MYBBP1A: variants seen among roughly 807,000 people sequenced by gnomAD.
MYBBP1A encodes the protein MYB binding protein 1a.
Under a neutral mutation model 136.3 loss-of-function variants are expected in MYBBP1A, and 147 were observed. The ratio of observed to expected loss-of-function variants is 1.08; its 90% confidence interval spans 0.94 to 1.24. The LOEUF (loss-of-function observed/expected upper bound fraction) is 1.24. MYBBP1A is among the 50% of genes most tolerant of loss of function. The pLI, the probability that MYBBP1A is intolerant of heterozygous loss-of-function variation, is 0.00. For missense variants in MYBBP1A, 2,060 were observed against 1,727.4 expected, an observed-to-expected ratio of 1.19 and a Z score of -3.41; for synonymous variants, 947 against 735.8, an observed-to-expected ratio of 1.29 and a Z score of -4.65.
chr17:4,541,756 T>C (rs780414460), intron 23 of MYBBP1A, 28 bp downstream of exon 23: 7 of 1,582,770 alleles, frequency 4.4e-6, no homozygotes, highest in Non-Finnish European at 1.7e-6. Context: ...TCTGAGGGGG[T>C]GGGGAAAGGG....
rs1287745075 is a variant in MYBBP1A, at chr17:4,545,670, C to G, written c.2013G>C (p.Arg671=). The part of the protein sequence containing the change: ...QPSHLMRQVA[R]SVFGHICSHL... ...GGGAGCAGATGTGGCCAAACACGCT[C>G]CGGGCCACCTGGCGCATGAGGTGGC... is the stretch of plus-strand genomic sequence containing the variant. Residue 671 remains arginine (R), a synonymous_variant, in exon 15 of 26, where the codon CGG becomes CGC. Transcript: ENST00000254718. 2 of 1,611,398 alleles carry G rather than the reference C, an allele frequency of 1.2e-6. No individual in the cohort carries two copies. Among genetic ancestry groups the G allele is most frequent in the African/African-American group, 1.3e-5 (1 of 74,904 alleles).
rs756178695 is a variant in MYBBP1A, at chr17:4,540,364, T to C, written c.3418A>G (p.Lys1140Glu). 6.2e-7 allele frequency: 1 copy of C among 1,608,210 alleles called. No homozygotes were observed. The highest frequency in any genetic ancestry group is 8.5e-7 in the Non-Finnish European group (1 of 1,179,584). The part of the protein sequence containing the change: ...RLHDLYWQAM[K>E]TLGVQRPKLE... ...AGAACCTACTGGACTCCCAGGGTTT[T>C]CATGGCCTGCCAGTAGAGGTCGTGC... The change falls in exon 25 of 26, where the codon AAA becomes GAA. Residue 1140 changes from lysine to glutamate, a missense_variant. By Grantham distance (56) the Lys-to-Glu change is moderately conservative (BLOSUM62 1). Transcript: ENST00000254718.
chr17:4,540,713 A>G (rs1906335032), intron 24 of MYBBP1A, among the ~76,000 whole-genome samples: 1 of 151,610 alleles, frequency 6.6e-6, no homozygotes, highest in Non-Finnish European at 1.5e-5. Context: ...GCCTGGTCTC[A>G]GAGTCTCGGT....
In MYBBP1A at chr17:4,539,101, T is replaced by TCA. The variant is rs557006044; in HGVS notation, c.*312_*313dup. 179 of 1,519,048 alleles carry TCA rather than the reference T, an allele frequency of 1.2e-4. No homozygotes were observed. The African/African-American group carries it at 2.4e-3, about 20-fold the overall frequency. The allele number at this position is 1,519,048 out of a possible 1,614,324, so 94.1% of individuals were successfully genotyped here. ...AAGAGGTGGCAGGCACGAGAGATGG[T>TCA]CACACCTGCCTGCAGCCAGCACATC... On this transcript the variant is annotated 3_prime_UTR_variant, in exon 26 of 26. Transcript: ENST00000254718.
At chr17:4,551,535 C>A (rs1018628913) in intron 8 of MYBBP1A, among the ~76,000 whole-genome samples, 3 of 152,222 alleles carry the variant, frequency 2.0e-5, no homozygotes, top group Non-Finnish European at 2.9e-5. Context: ...ATGGCAAAAT[C>A]CCGTCTCTAC....
intron 22 of MYBBP1A, 85 bp from the exon 23 acceptor site, chr17:4,541,976 C>T (rs1906479738): frequency 1.0e-6 from 1 of 992,922 alleles, no homozygotes; most frequent in African/African-American, 1.6e-5. Flanking sequence ...CGGGGGCCCG[C>T]TGGGCACTGC....
Position 4,543,052 on chromosome 17 carries a change from G to A in MYBBP1A, c.2753C>T (p.Pro918Leu), listed in dbSNP as rs771370036. 1.9e-6 allele frequency: 3 copies of A among 1,613,390 alleles called. No individual in the cohort carries two copies. The highest frequency in any genetic ancestry group is 2.7e-5 in the African/African-American group (2 of 74,934). ...GGCGTTGAAGTGGTAGAGGGCGGTGGGGGAGTCGGGCTGGCGGCCAGCCTG... is the reference window on the plus strand; with the variant it reads ...GGCGTTGAAGTGGTAGAGGGCGGTGAGGGAGTCGGGCTGGCGGCCAGCCTG... Reference protein sequence around the residue: ...VQQAGRQPDSPTALYHFNASL... With the variant: ...VQQAGRQPDSLTALYHFNASL... Residue 918 changes from proline to leucine, a missense_variant, in exon 20 of 26, where the codon CCC becomes CTC. Pro to Leu is a moderately conservative substitution (Grantham distance 98). Transcript: ENST00000254718.
intron 9 of MYBBP1A, 112 bp downstream of exon 9, chr17:4,549,946 C>T (rs1240679242): frequency 8.3e-7 from 1 of 1,207,034 alleles, no homozygotes; most frequent in East Asian, 2.3e-5. Context: ...CCCCCTCGCT[C>T]CTCTCATGGT....
Position 4,539,366 on chromosome 17 carries a change from G to C in MYBBP1A, c.*49C>G. 3 of 1,501,946 alleles carry C rather than the reference G, an allele frequency of 2.0e-6. No individual in the cohort carries two copies. The highest frequency in any genetic ancestry group is 2.7e-6 in the Non-Finnish European group (3 of 1,128,290). The allele number at this position is 1,501,946 out of a possible 1,614,324, so 93.0% of individuals were successfully genotyped here. ...GTTTAAAAAAAAAAAAAAAAAATAGGCGTCTCAGGCAGATGGAGGCAGGGG... is the reference window on the plus strand; with the variant it reads ...GTTTAAAAAAAAAAAAAAAAAATAGCCGTCTCAGGCAGATGGAGGCAGGGG... On this transcript the variant is annotated 3_prime_UTR_variant, in exon 26 of 26. Transcript: ENST00000254718.
Position 4,539,960 on chromosome 17 carries a change from TGGGGCGCCTGAAG to T in MYBBP1A, c.3435-6_3441del. ...TCCTTGGCATCCTTCTTCTCCAACTTGGGGCGCCTGAAGGGAAGTGAGCAAGGTTAGAAGGTGC... is the reference window on the plus strand; with the variant it reads ...TCCTTGGCATCCTTCTTCTCCAACTTGGAAGTGAGCAAGGTTAGAAGGTGC... On this transcript the variant is annotated splice_acceptor_variant and splice_polypyrimidine_tract_variant and coding_sequence_variant and intron_variant, in exon 26 of 26. Transcript: ENST00000254718. LOFTEE classifies it high-confidence loss of function. The T allele has an allele frequency of 3.1e-6, 5 of 1,597,998 alleles. No individual in the cohort carries two copies. The highest frequency in any genetic ancestry group is 4.2e-6 in the Non-Finnish European group (5 of 1,179,196).
Position 4,542,508 on chromosome 17 carries a change from T to A in MYBBP1A, c.3043A>T (p.Ile1015Phe). 1 of 1,612,004 alleles carries A rather than the reference T, an allele frequency of 6.2e-7. No individual in the cohort carries two copies. The highest frequency in any genetic ancestry group is 8.5e-7 in the Non-Finnish European group (1 of 1,178,756). Reference sequence around the variant, plus strand: ...GGGCCCGTGATATGCTGGACCAGGATGGGGAGCAGGCTCTGACAGAGCACC... The same window carrying A: ...GGGCCCGTGATATGCTGGACCAGGAAGGGGAGCAGGCTCTGACAGAGCACC... ...HPVLCQSLLP[I>F]LVQHITGPVR... The change falls in exon 22 of 26, where the codon ATC (isoleucine) becomes TTC (phenylalanine). Residue 1015 changes from isoleucine (I) to phenylalanine (F), a missense_variant. Physicochemically the swap from Ile to Phe is conservative, Grantham distance 21 (BLOSUM62 0). Transcript: ENST00000254718.
At position 4,549,434 on chromosome 17, in the gene MYBBP1A, C is replaced by G. The variant is rs767640756; in HGVS notation, c.1328G>C (p.Arg443Pro). ...CCATTTCCTCAGCCGGAACACAGCTCGCTCAGGCCTAGCGGGGCAGGAGGC... is the reference window on the plus strand; with the variant it reads ...CCATTTCCTCAGCCGGAACACAGCTGGCTCAGGCCTAGCGGGGCAGGAGGC... ...AQDSSLHMPERAVFRLRKWII... is the reference protein window; with the variant it reads ...AQDSSLHMPEPAVFRLRKWII... Residue 443 changes from arginine (R) to proline (P), a missense_variant, in exon 10 of 26, where the codon CGA (arginine) becomes CCA (proline). By Grantham distance (103) the Arg-to-Pro change is moderately radical (BLOSUM62 -2). Transcript: ENST00000254718. 1.3e-5 allele frequency: 21 copies of G among 1,612,718 alleles called. No homozygotes were observed. The highest frequency in any genetic ancestry group is 1.7e-5 in the Non-Finnish European group (20 of 1,179,840).
chr17:4,552,075 C>G lies in MYBBP1A; in HGVS notation c.905+50G>C, dbSNP rs1317626017. Reference sequence around the variant, plus strand: ...GAACCTCAGGACTAGTGGCCTAGCCCACTTCACGGACAGGGAAGGGGGCCG... The same window carrying G: ...GAACCTCAGGACTAGTGGCCTAGCCGACTTCACGGACAGGGAAGGGGGCCG... On this transcript the variant is annotated intron_variant, in intron 7 of 25. Coordinates refer to ENST00000254718, the MANE Select transcript of MYBBP1A (RefSeq NM_014520.4). This position sits in a 1 kb window ranked among gnomAD's most constrained non-coding sequence, Gnocchi z 4.7. The G allele has an allele frequency of 6.2e-7, 1 of 1,600,632 alleles. No individual in the cohort carries two copies. Among genetic ancestry groups the G allele is most frequent in the Non-Finnish European group, 8.5e-7 (1 of 1,172,578 alleles).
intron 8 of MYBBP1A, among the ~76,000 whole-genome samples, chr17:4,550,566 C>A (rs1201918670): frequency 5.3e-5 from 8 of 152,278 alleles, no homozygotes; most frequent in Non-Finnish European, 7.3e-5. Context: ...GAACTTGCAA[C>A]AGTCCAGTCA....
intron 22 of MYBBP1A, 159 bp from the exon 23 acceptor site, chr17:4,542,050 G>C: frequency 1.6e-6 from 1 of 620,368 alleles, no homozygotes; most frequent in South Asian, 1.9e-5. Context: ...CTGTGCCTTT[G>C]TGTGCAGGTG....
At position 4,539,288 on chromosome 17, in the gene MYBBP1A, G is replaced by T; in HGVS notation, c.*127C>A. 5 of 1,492,910 alleles carry T rather than the reference G, an allele frequency of 3.3e-6. No homozygotes were observed. The highest frequency in any genetic ancestry group is 3.5e-6 in the Non-Finnish European group (4 of 1,132,564). 92.5% of individuals were successfully genotyped at this position (1,492,910 alleles called of 1,614,324 possible). On this transcript the variant is annotated 3_prime_UTR_variant, in exon 26 of 26. Transcript: ENST00000254718. ...CAGGATGCCCGGGCAGGCGGCAACA[G>T]CCACCCTCCCCAGTGGCAGCGCCTT... is the stretch of plus-strand genomic sequence containing the variant.
Position 4,548,665 on chromosome 17 carries a change from G to T in MYBBP1A, c.1431-16C>A, listed in dbSNP as rs1907225721. On this transcript the variant is annotated splice_polypyrimidine_tract_variant and intron_variant, in intron 10 of 25. Coordinates refer to ENST00000254718, the MANE Select transcript of MYBBP1A (RefSeq NM_014520.4). The surrounding 1 kb of genome is among the most constrained non-coding windows in gnomAD (Gnocchi z 4.2). ...CAAACAAAACCTGGGGAGGGTGGGA[G>T]AGTGGCCATAGCCATTCACTGCCAT... The T allele has an allele frequency of 6.2e-7, 1 of 1,614,040 alleles. No individual in the cohort carries two copies. Among genetic ancestry groups the T allele is most frequent in the Non-Finnish European group, 8.5e-7 (1 of 1,180,000 alleles).
Position 4,549,361 on chromosome 17 carries a change from C to CA in MYBBP1A, c.1400dup (p.Met467IlefsTer7). ...CCACCTGCTCAGTCAAGGCCTCCTC[C>CA]ATCTCCAGGTGCAGGCTGTCCACAA... On this transcript the variant is annotated frameshift_variant, in exon 10 of 26. Coordinates refer to ENST00000254718, the MANE Select transcript of MYBBP1A (RefSeq NM_014520.4). LOFTEE classifies it high-confidence loss of function. 2 of 1,612,900 alleles carry CA rather than the reference C, an allele frequency of 1.2e-6. No homozygotes were observed. Among genetic ancestry groups the CA allele is most frequent in the Non-Finnish European group, 1.7e-6 (2 of 1,179,972 alleles).
rs771343616 is a variant in MYBBP1A, at chr17:4,554,853, C to T, written c.294+8G>A. On this transcript the variant is annotated splice_region_variant and intron_variant, in intron 2 of 25. Coordinates refer to ENST00000254718, the MANE Select transcript of MYBBP1A (RefSeq NM_014520.4). ...ATGGCTGGGACCCTGCCAGGAGCAC[C>T]ACCTCACCTGTGCCAGGGCCAAACT... is the stretch of plus-strand genomic sequence containing the variant. 4 of 1,613,044 alleles carry T rather than the reference C, an allele frequency of 2.5e-6. No individual in the cohort carries two copies. The Admixed American group carries it at 5.0e-5, about 20-fold the overall frequency.
Sources: gnomAD v4.1 joint callset for allele counts (sites outside exome capture counted in the v4.1 genomes callset) on GRCh38, gnomAD v4.1.1 for gene constraint, Gnocchi (gnomAD v3.1) non-coding constraint, MANE v1.5 for transcripts, NCBI Gene and HGNC (gene_info 2026-07-23, HGNC 2026-07-21) for gene names.